SNX13: variants seen among roughly 807,000 people sequenced by gnomAD.
SNX13 encodes the protein sorting nexin 13, also known as sorting nexin-13.
In SNX13, 45 loss-of-function variants were observed where a neutral mutation model predicts 133.6. The ratio of observed to expected loss-of-function variants is 0.34; its 90% confidence interval spans 0.27 to 0.43. The LOEUF is 0.43. SNX13 is among the 20% of genes least tolerant of loss of function. SNX13 has a pLI of 1.00. For missense variants in SNX13, 1,032 were observed against 1,145.1 expected (o/e 0.90, Z 1.43); for synonymous variants, 414 against 373.9 (o/e 1.11, Z -1.24).
At chr7:17,821,445 G>A in intron 18 of SNX13, 64 bp downstream of exon 18, 1 of 1,467,902 alleles carries the variant, frequency 6.8e-7, no homozygotes, top group South Asian at 1.3e-5. Flanking sequence ...GGCATCCTCA[G>A]ATTTATAATC....
intron 1 of SNX13, among the ~76,000 whole-genome samples, chr7:17,900,423 G>A (rs994613882): frequency 3.7e-4 from 57 of 152,310 alleles, no homozygotes; most frequent in African/African-American, 1.3e-3. Context: ...CCATTCCTGG[G>A]CAGGTCAAGA....
At chr7:17,831,039 T>A (rs1011302999) in intron 15 of SNX13, 22 of 984,326 alleles carry the variant, frequency 2.2e-5, no homozygotes, top group Non-Finnish European at 2.5e-5. Flanking sequence ...GTAAAATAGT[T>A]ATCTATCCTC....
At chr7:17,799,831 T>C (rs1010195348) in intron 22 of SNX13, among the ~76,000 whole-genome samples, 1 of 151,806 alleles carries the variant, frequency 6.6e-6, no homozygotes, top group Non-Finnish European at 1.5e-5. Flanking sequence ...AAAATACGTA[T>C]AAAATAAAAA....
At chr7:17,933,315 G>A (rs1343450211) in intron 1 of SNX13, among the ~76,000 whole-genome samples, 4 of 152,074 alleles carry the variant, frequency 2.6e-5, no homozygotes, top group South Asian at 2.1e-4. Context: ...AGGCCGAGGC[G>A]GGCGGAACAT....
At chr7:17,926,557 G>T (rs1800773908) in intron 1 of SNX13, among the ~76,000 whole-genome samples, 1 of 152,090 alleles carries the variant, frequency 6.6e-6, no homozygotes, top group Non-Finnish European at 1.5e-5. Context: ...TATAATCCAT[G>T]AGTAAACAGA....
chr7:17,805,256 C>CGCGT (rs1554304401), intron 20 of SNX13, among the ~76,000 whole-genome samples: 9 of 58,236 alleles, frequency 1.5e-4, no homozygotes, highest in Admixed American at 3.3e-4. Flanking sequence ...TGTGTGCGTG[C>CGCGT]GCGCGCGCGC....
At chr7:17,811,171 G>A (rs989355545) in intron 20 of SNX13, among the ~76,000 whole-genome samples, 1 of 152,178 alleles carries the variant, frequency 6.6e-6, no homozygotes, top group Non-Finnish European at 1.5e-5. Context: ...GCAAGAGAAA[G>A]AAAGAAAAGA....
At chr7:17,845,217 T>C (rs116998168) in intron 12 of SNX13, among the ~76,000 whole-genome samples, 5,303 of 152,086 alleles carry the variant, frequency 0.035, 114 homozygotes, top group South Asian at 0.076. Flanking sequence ...AATTCTCACA[T>C]ATGCTATAAC....
rs558486074 is a variant in SNX13 at position 17,794,818 on chromosome 7, GA to G, written c.2627-527del. On this transcript the variant is annotated intron_variant, in intron 25 of 25. Transcript: ENST00000428135. ...TGAATAAAGTTTCATTGGAACACAG[GA>G]AAAAAAAAAATTAATCCCTGATCTA... 1,218 of 145,392 alleles carry G rather than the reference GA, an allele frequency of 8.4e-3. 10 individuals are homozygous for G. Among genetic ancestry groups the G allele is most frequent in the African/African-American group, 0.028 (1,127 of 39,972 alleles). 9.0% of individuals were successfully genotyped at this position (145,392 alleles called of 1,614,324 possible).
intron 8 of SNX13, among the ~76,000 whole-genome samples, chr7:17,870,060 T>C (rs1793892467): frequency 6.6e-6 from 1 of 152,178 alleles, no homozygotes. Context: ...GGGCTAGTCA[T>C]ATGACTCAAG....
chr7:17,845,316 C>A (rs1415656915), intron 12 of SNX13, among the ~76,000 whole-genome samples: 2 of 152,096 alleles, frequency 1.3e-5, no homozygotes, highest in East Asian at 1.9e-4. Flanking sequence ...ACGTGAGGTA[C>A]TTAAGAGTAG....
chr7:17,811,277 T>C (rs1057152729), intron 20 of SNX13, among the ~76,000 whole-genome samples: 10 of 152,220 alleles, frequency 6.6e-5, no homozygotes, highest in African/African-American at 2.4e-4. Context: ...AAAATCTCCT[T>C]AAGCAGATAA....
Position 17,798,710 on chromosome 7 carries a change from G to T in SNX13, c.2493C>A (p.Ala831=). The part of the protein sequence containing the change: ...VDWMTSPEQV[A]DSVKRFRDAF... ...TATACCTGAAACGTTTCACTGAGTC[G>T]GCTACTTGTTCAGGTGAAGTCATCC... The change falls in exon 24 of 26, where the codon GCC becomes GCA. Residue 831 remains alanine, a synonymous_variant. Transcript: ENST00000428135. 1 of 1,577,646 alleles carries T rather than the reference G, an allele frequency of 6.3e-7. No individual in the cohort carries two copies. The highest frequency in any genetic ancestry group is 8.6e-7 in the Non-Finnish European group (1 of 1,163,392).
chr7:17,851,271 A>G (rs1325966485), intron 9 of SNX13, among the ~76,000 whole-genome samples: 1 of 152,238 alleles, frequency 6.6e-6, no homozygotes, highest in Non-Finnish European at 1.5e-5. Flanking sequence ...TATGGTCAGC[A>G]GCAATGGAGG....
intron 20 of SNX13, among the ~76,000 whole-genome samples, chr7:17,805,211 T>TTGTGTGTGTGTGTGTGTGTGTGTGTG (rs55946438): frequency 2.6e-4 from 31 of 118,512 alleles, no homozygotes; most frequent in African/African-American, 7.1e-4. Flanking sequence ...TAATGATTCT[T>TTGTGTGTGTGTGTGTGTGTGTGTGTG]TGTGTGTGTG....
intron 1 of SNX13, among the ~76,000 whole-genome samples, chr7:17,935,251 G>GA: frequency 1.3e-5 from 2 of 152,258 alleles, no homozygotes; most frequent in Admixed American, 1.3e-4. Flanking sequence ...CATGCTAACT[G>GA]AAAAAAGCCA....
chr7:17,917,544 G>A (rs893157602), intron 1 of SNX13, among the ~76,000 whole-genome samples: 19 of 151,678 alleles, frequency 1.3e-4, no homozygotes, highest in South Asian at 8.3e-4. Flanking sequence ...AATCCCATTT[G>A]CAACAGCAAT....
At chr7:17,840,298 A>G (rs1208898719) in intron 12 of SNX13, among the ~76,000 whole-genome samples, 1 of 152,066 alleles carries the variant, frequency 6.6e-6, no homozygotes, top group Non-Finnish European at 1.5e-5. Context: ...TTTGTTCTCA[A>G]TAAAGATTGT....
intron 6 of SNX13, 24 bp from the exon 7 acceptor site, chr7:17,875,605 T>A (rs972797591): frequency 1.2e-6 from 2 of 1,609,096 alleles, no homozygotes; most frequent in Middle Eastern, 1.7e-4. Context: ...ATTCAAGATA[T>A]ATAAAATGAT....
Sources: gnomAD v4.1 joint callset for allele counts (sites outside exome capture counted in the v4.1 genomes callset) on GRCh38, gnomAD v4.1.1 for gene constraint, MANE v1.5 for transcripts, NCBI Gene and HGNC (gene_info 2026-07-23, HGNC 2026-07-21) for gene names.